The following IQSEC3 variants were observed in gnomAD, a reference collection of about 807,000 sequenced individuals.
The protein encoded by IQSEC3 is IQ motif and Sec7 domain ArfGEF 3.
IQSEC3 carries 50 observed loss-of-function variants against 105.4 expected under a neutral mutation model. That is an observed-to-expected ratio of 0.47 (90% confidence interval 0.38 to 0.60). The LOEUF (loss-of-function observed/expected upper bound fraction) is 0.60. Ranked by LOEUF, IQSEC3 falls within the 20% of genes least tolerant of loss-of-function variation. The pLI is 0.00. For synonymous variants in IQSEC3, 708 were observed against 746.0 expected (o/e 0.95, Z 0.83); for missense variants, 1,415 against 1,630.0 (o/e 0.87, Z 2.27).
In IQSEC3 at chr12:166,042, C is replaced by T. The variant is rs3887831; in HGVS notation, c.2971+152C>T. On this transcript the variant is annotated intron_variant, in intron 11 of 13. Transcript: ENST00000538872. ...CCCACCGCACCACACTCCCACAGCC[C>T]GGGTGGGAGCACCGGTTCCCATGTT... is the stretch of plus-strand genomic sequence containing the variant. The T allele has an allele frequency of 8.0e-4, 601 of 751,742 alleles. 3 individuals carry two copies. In the African/African-American group the frequency reaches 8.5e-3, roughly 11 times the overall value. The allele number at this position is 751,742 out of a possible 1,614,324, so 46.6% of individuals were successfully genotyped here.
At chr12:172,415 G>A (rs1408692222) in intron 13 of IQSEC3, among the ~76,000 whole-genome samples, 2 of 151,754 alleles carry the variant, frequency 1.3e-5, no homozygotes, top group Non-Finnish European at 2.9e-5. Flanking sequence ...GTTCTGTTCT[G>A]CCAGCCCTGC....
chr12:91,376 C>T (rs1864079447), intron 1 of IQSEC3, among the ~76,000 whole-genome samples: 1 of 152,210 alleles, frequency 6.6e-6, no homozygotes, highest in Admixed American at 6.5e-5. Context: ...CTGGATGCGG[C>T]TTTCCTGAGC....
intron 3 of IQSEC3, among the ~76,000 whole-genome samples, chr12:130,045 G>A (rs950234896): frequency 2.6e-5 from 4 of 152,248 alleles, no homozygotes; most frequent in African/African-American, 9.6e-5. Context: ...CCAGCCTACA[G>A]AGGACAGTGG....
Position 165,560 on chromosome 12 carries a change from C to T in IQSEC3, c.2809+27C>T, listed in dbSNP as rs202184551. The T allele has an allele frequency of 1.3e-4, 216 of 1,600,988 alleles. No homozygotes were observed. In the East Asian group the frequency reaches 3.3e-3, roughly 25 times the overall value. On this transcript the variant is annotated intron_variant, in intron 10 of 13. Transcript: ENST00000538872. ...TAAGTCTTTGACAGCCAGTGTAAGTCTTTGAGAAGGAATGAATGGATGAAA... is the reference window on the plus strand; with the variant it reads ...TAAGTCTTTGACAGCCAGTGTAAGTTTTTGAGAAGGAATGAATGGATGAAA...
At chr12:87,007 C>T in intron 1 of IQSEC3, among the ~76,000 whole-genome samples, 1 of 152,116 alleles carries the variant, frequency 6.6e-6, no homozygotes, top group East Asian at 1.9e-4. Flanking sequence ...GGCTCCCTCT[C>T]AGCTATATGC....
At chr12:126,195 C>T (rs551114961) in intron 3 of IQSEC3, among the ~76,000 whole-genome samples, 4 of 152,352 alleles carry the variant, frequency 2.6e-5, no homozygotes, top group South Asian at 2.1e-4. Flanking sequence ...CTCCACCGCC[C>T]CACTGACCAC....
intron 5 of IQSEC3, among the ~76,000 whole-genome samples, chr12:146,222 T>C (rs953739708): frequency 6.6e-6 from 1 of 152,220 alleles, no homozygotes. Flanking sequence ...CCTGCCCACA[T>C]TGCTGTGTAT....
intron 2 of IQSEC3, among the ~76,000 whole-genome samples, chr12:99,547 G>T (rs1555075628): frequency 6.6e-6 from 1 of 152,224 alleles, no homozygotes; most frequent in African/African-American, 2.4e-5. Context: ...ACACGGTAGG[G>T]TGCCTGGCAC....
intron 4 of IQSEC3, 129 bp downstream of exon 4, chr12:139,483 G>A: frequency 2.9e-6 from 2 of 689,276 alleles, no homozygotes; most frequent in Non-Finnish European, 4.8e-6. Flanking sequence ...CCTCCAGGCA[G>A]GCGCATCTGT....
intron 1 of IQSEC3, among the ~76,000 whole-genome samples, chr12:76,966 A>G (rs1439033220): frequency 6.6e-6 from 1 of 152,266 alleles, no homozygotes; most frequent in Non-Finnish European, 1.5e-5. Context: ...AGGGAGTTCC[A>G]CAATTTCTTC....
chr12:133,130 A>G (rs1555085534), intron 3 of IQSEC3, among the ~76,000 whole-genome samples: 1 of 152,210 alleles, frequency 6.6e-6, no homozygotes, highest in Admixed American at 6.5e-5. Flanking sequence ...CAGGGCTGAG[A>G]AGGTATCCAC....
intron 13 of IQSEC3, among the ~76,000 whole-genome samples, chr12:172,327 C>T (rs1242147805): frequency 2.0e-5 from 3 of 151,858 alleles, no homozygotes; most frequent in Admixed American, 6.6e-5. Flanking sequence ...TTCTATTCCC[C>T]GCCCCCCTCC....
chr12:138,269 T>A lies in IQSEC3; in HGVS notation c.906T>A (p.Ile302=). 1 of 1,609,504 alleles carries A rather than the reference T, an allele frequency of 6.2e-7. No homozygotes were observed. The part of the protein sequence containing the change: ...ELSLDLKNKQ[I]EMLEHKYGGH... ...CCTCTCTGTCCTCGTCCTTGCAGAT[T>A]GAAATGCTAGAACATAAGTACGGCG... Residue 302 remains isoleucine, a splice_region_variant and synonymous_variant, in exon 4 of 14, where the codon ATT becomes ATA. Transcript: ENST00000538872. The surrounding 1 kb of genome is among the most constrained non-coding windows in gnomAD (Gnocchi z 7.1).
At chr12:133,255 C>T (rs782370071) in intron 3 of IQSEC3, among the ~76,000 whole-genome samples, 6 of 152,218 alleles carry the variant, frequency 3.9e-5, no homozygotes, top group Non-Finnish European at 8.8e-5. Context: ...ACACAGAAGC[C>T]GTGGATGATG....
chr12:162,751 G>C (rs528554501), intron 8 of IQSEC3, among the ~76,000 whole-genome samples: 1 of 152,132 alleles, frequency 6.6e-6, no homozygotes, highest in Non-Finnish European at 1.5e-5. Flanking sequence ...GGTTGCAAGC[G>C]ACTGGTTTGT....
chr12:168,552 C>G (rs1362011727), intron 11 of IQSEC3, among the ~76,000 whole-genome samples: 1 of 152,148 alleles, frequency 6.6e-6, no homozygotes, highest in East Asian at 1.9e-4. Flanking sequence ...TACTTTCGCA[C>G]AAACCTTAAT....
intron 2 of IQSEC3, among the ~76,000 whole-genome samples, chr12:100,532 G>A (rs1264657440): frequency 1.3e-5 from 2 of 152,172 alleles, no homozygotes; most frequent in African/African-American, 4.8e-5. Flanking sequence ...GCAGAGGTCA[G>A]AGAAAGAGGC....
chr12:84,361 GTC>G (rs539384647), intron 1 of IQSEC3, among the ~76,000 whole-genome samples: 7 of 152,228 alleles, frequency 4.6e-5, no homozygotes, highest in Non-Finnish European at 1.0e-4. Flanking sequence ...GGCCCATATG[GTC>G]AGGAGGGTTC....
At position 157,568 on chromosome 12, in the gene IQSEC3, T is replaced by C; in HGVS notation, c.2317T>C (p.Phe773Leu). 7 of 1,614,118 alleles carry C rather than the reference T, an allele frequency of 4.3e-6. No homozygotes were observed. The highest frequency in any genetic ancestry group is 5.9e-6 in the Non-Finnish European group (7 of 1,179,994). The change falls in exon 7 of 14, where the codon TTC becomes CTC. Residue 773 changes from phenylalanine to leucine, a missense_variant. By Grantham distance (22) the Phe-to-Leu change is conservative. Coordinates refer to ENST00000538872, the MANE Select transcript of IQSEC3 (RefSeq NM_001170738.2). ...CMCNPEVVQQ[F>L]HNPDTIFILA... is the part of the protein sequence containing the mutation. ...GTGCAACCCCGAAGTGGTTCAGCAGTTCCACAACCCCGACACCATCTTCAT... is the reference window on the plus strand; with the variant it reads ...GTGCAACCCCGAAGTGGTTCAGCAGCTCCACAACCCCGACACCATCTTCAT...
Sources: allele counts gnomAD v4.1 joint callset (sites outside exome capture counted in the v4.1 genomes callset), GRCh38; gene constraint gnomAD v4.1.1; non-coding constraint Gnocchi (gnomAD v3.1); transcripts MANE v1.5; gene names NCBI Gene and HGNC (gene_info 2026-07-23, HGNC 2026-07-21).